The following DNAH6 variants were observed in gnomAD, a reference collection of about 807,000 sequenced individuals.
DNAH6 encodes dynein axonemal heavy chain 6.
A neutral mutation model predicts 491.4 loss-of-function variants in DNAH6; 340 were observed. The ratio of observed to expected loss-of-function variants is 0.69; its 90% CI spans 0.63 to 0.76. The LOEUF is 0.76. DNAH6 is among the 30% of genes least tolerant of loss of function. DNAH6 has a pLI of 0.00. For missense variants in DNAH6, 4,443 were observed against 4,972.2 expected (o/e 0.89, Z 3.20); for synonymous variants, 1,603 against 1,686.1 (o/e 0.95, Z 1.21).
chr2:84,510,612 G>A, the DNAH6 span, among the ~76,000 whole-genome samples: 18 of 152,240 alleles, frequency 1.2e-4, no homozygotes, highest in Admixed American at 9.8e-4. Flanking sequence ...TTCCATTGCT[G>A]GTGAGGATCT....
chr2:84,818,635 A>T (rs910748636), intron 76 of DNAH6, among the ~76,000 whole-genome samples: 5 of 152,190 alleles, frequency 3.3e-5, no homozygotes, highest in African/African-American at 1.2e-4. Context: ...GATTCTGGGA[A>T]ACTTAACAGG....
At chr2:84,512,787 A>T (rs1363624086), upstream of DNAH6, among the ~76,000 whole-genome samples, 1 of 152,206 alleles carries the variant, frequency 6.6e-6, no homozygotes, top group African/African-American at 2.4e-5. Flanking sequence ...TATTTTGTTT[A>T]ATATTAGCAT....
At chr2:84,694,813 C>G (rs1246843718) in intron 46 of DNAH6, among the ~76,000 whole-genome samples, 2 of 152,086 alleles carry the variant, frequency 1.3e-5, no homozygotes, top group African/African-American at 4.8e-5. Flanking sequence ...ATTAGGGAAA[C>G]ATGACTTTAC....
chr2:84,695,589 A>G (rs1695306931), intron 46 of DNAH6, among the ~76,000 whole-genome samples: 1 of 152,126 alleles, frequency 6.6e-6, no homozygotes, highest in Admixed American at 6.5e-5. Context: ...AGTCATATAC[A>G]TAATATCTGA....
the DNAH6 span, among the ~76,000 whole-genome samples, chr2:84,462,890 A>C: frequency 6.6e-6 from 1 of 152,204 alleles, no homozygotes; most frequent in Non-Finnish European, 1.5e-5. Flanking sequence ...TATTCCTGTG[A>C]GTAAAATGCA....
chr2:84,642,062 T>G lies in DNAH6; in HGVS notation c.5078+8T>G. 1 of 1,529,724 alleles carries G rather than the reference T, an allele frequency of 6.5e-7. No homozygotes were observed. Among genetic ancestry groups the G allele is most frequent in the East Asian group, 2.5e-5 (1 of 40,774 alleles). 94.8% of individuals were successfully genotyped at this position (1,529,724 alleles called of 1,614,324 possible). ...TGATGCTCTTCTGTTCAGGTAAGTT[T>G]GTAGACATTACCAAGTAAAGCATGG... On this transcript the variant is annotated splice_region_variant and intron_variant, in intron 33 of 76. Transcript: ENST00000389394.
At chr2:84,641,616 A>G (rs1050983276) in intron 32 of DNAH6, among the ~76,000 whole-genome samples, 1 of 152,216 alleles carries the variant, frequency 6.6e-6, no homozygotes, top group Admixed American at 6.5e-5. Context: ...GCAAAGAACA[A>G]GGCAAGATAT....
At chr2:84,597,083 G>A (rs1275384622) in intron 18 of DNAH6, among the ~76,000 whole-genome samples, 1 of 152,066 alleles carries the variant, frequency 6.6e-6, no homozygotes, top group Non-Finnish European at 1.5e-5. Flanking sequence ...TTTGTAGTCA[G>A]CCTTTCCCTT....
At chr2:84,490,097 A>C in the DNAH6 span, among the ~76,000 whole-genome samples, 2 of 152,196 alleles carry the variant, frequency 1.3e-5, no homozygotes, top group Admixed American at 1.3e-4. Context: ...ACATTTTTTT[A>C]ATACTTGGAC....
intron 18 of DNAH6, among the ~76,000 whole-genome samples, chr2:84,598,095 A>C (rs1447529283): frequency 7.1e-6 from 1 of 140,644 alleles, no homozygotes; most frequent in South Asian, 2.1e-4. Flanking sequence ...ACTCGTGGTT[A>C]CTCGTGGAAC....
rs1682109336 is a variant in DNAH6 at position 84,573,546 on chromosome 2, A to C, written c.1883A>C (p.Asn628Thr). 1.3e-6 allele frequency: 2 copies of C among 1,591,026 alleles called. No individual in the cohort carries two copies. The highest frequency in any genetic ancestry group is 4.6e-5 in the East Asian group (2 of 43,450). The change falls in exon 12 of 77, where the codon AAT (asparagine) becomes ACT (threonine). Residue 628 changes from asparagine to threonine, a missense_variant. Around this residue, in one of 3 missense-constraint regions of DNAH6, gnomAD observed 2,977 missense variants for 3,296.6 expected, o/e 0.90. Coordinates refer to ENST00000389394, the MANE Select transcript of DNAH6 (RefSeq NM_001370.2). Reference protein sequence around the residue: ...FEKFQIFFKENESLDLQALKL... With the variant: ...FEKFQIFFKETESLDLQALKL... ...AAGTTCCAGATATTCTTCAAGGAAA[A>C]TGAAAGTCTTGATTTACAAGCTCTT...
chr2:84,816,906 C>T (rs1680540452), intron 76 of DNAH6, among the ~76,000 whole-genome samples: 1 of 152,042 alleles, frequency 6.6e-6, no homozygotes, highest in Non-Finnish European at 1.5e-5. Flanking sequence ...GCCTTGAATA[C>T]AGCACAGTGA....
the DNAH6 span, among the ~76,000 whole-genome samples, chr2:84,499,194 A>G: frequency 4.0e-5 from 6 of 150,888 alleles, no homozygotes; most frequent in African/African-American, 1.5e-4. Context: ...CAAACCCCCC[A>G]CTACCCTTCC....
the DNAH6 span, chr2:84,459,945 A>C: frequency 3.3e-5 from 5 of 152,266 alleles, no homozygotes; most frequent in African/African-American, 1.2e-4. Context: ...TTTGACTAGC[A>C]CTAAGTGCAT....
intron 21 of DNAH6, among the ~76,000 whole-genome samples, chr2:84,609,328 T>C (rs186864967): frequency 1.2e-4 from 19 of 152,312 alleles, no homozygotes; most frequent in Admixed American, 1.1e-3. Context: ...TTGACCTATA[T>C]TGGCTTTTGA....
chr2:84,808,602 A>G, intron 72 of DNAH6, 60 bp downstream of exon 72: 1 of 1,514,724 alleles, frequency 6.6e-7, no homozygotes, highest in Non-Finnish European at 9.0e-7. Context: ...AGAGTTGTAT[A>G]ATATGAAATT....
chr2:84,576,120 C>T (rs73945121), intron 12 of DNAH6, among the ~76,000 whole-genome samples: 5,325 of 152,210 alleles, frequency 0.035, 160 homozygotes, highest in Middle Eastern at 0.099. Context: ...TACTAAACAG[C>T]GCAGCATTAT....
At chr2:84,525,785 T>G (rs761140722) in intron 3 of DNAH6, 47 bp downstream of exon 3, 12 of 1,329,852 alleles carry the variant, frequency 9.0e-6, no homozygotes, top group Non-Finnish European at 1.2e-5. Context: ...TAATTTTGTT[T>G]TGTATAGCAT....
In DNAH6 at chr2:84,701,186, G is replaced by C; in HGVS notation, c.7908G>C (p.Leu2636Phe). 1 of 1,551,812 alleles carries C rather than the reference G, an allele frequency of 6.4e-7. No individual in the cohort carries two copies. The highest frequency in any genetic ancestry group is 8.7e-7 in the Non-Finnish European group (1 of 1,147,014). ...GNEELKEKLP[L>F]MCVNVHLSVS... ...AAGAACTGAAAGAAAAGCTTCCCTT[G>C]ATGTGCGTGAACGTTCACTTGAGTG... The change falls in exon 49 of 77, where the codon TTG becomes TTC. Residue 2636 changes from leucine to phenylalanine, a missense_variant. Leu to Phe is a conservative substitution (Grantham distance 22). This residue lies in a region of DNAH6 where 2,977 missense variants were observed against 3,296.6 expected (regional missense o/e 0.90). Coordinates refer to ENST00000389394, the MANE Select transcript of DNAH6 (RefSeq NM_001370.2).
Sources: allele counts gnomAD v4.1 joint callset (sites outside exome capture counted in the v4.1 genomes callset), GRCh38; gene constraint gnomAD v4.1.1; regional missense constraint gnomAD v4.1.1; transcripts MANE v1.5; gene names NCBI Gene and HGNC (gene_info 2026-07-23, HGNC 2026-07-21).